The following ZNF705B variants were observed in gnomAD, a reference collection of about 807,000 sequenced individuals.
ZNF705B encodes Putative zinc finger protein 705D-like protein LOC100132396.
ZNF705B carries 1 observed loss-of-function variant against 10.5 expected under a neutral mutation model. The ratio of observed to expected loss-of-function variants is 0.10; its 90% CI spans 0.03 to 0.45. The LOEUF is 0.45. Among genes scored for constraint, ZNF705B ranks in the 20% least tolerant of loss-of-function variants. The pLI is 0.97. For missense variants in ZNF705B, 14 were observed against 84.0 expected (o/e 0.17, Z 3.26); for synonymous variants, 4 against 25.4 (o/e 0.16, Z 2.53).
At chr8:7,940,842 C>T (rs1228720209) in intron 2 of ZNF705B, among the ~76,000 whole-genome samples, 4 of 141,398 alleles carry the variant, frequency 2.8e-5, no homozygotes, top group Non-Finnish European at 6.3e-5. Flanking sequence ...ACTCTCCCTC[C>T]ACCTGCCTCC....
chr8:7,941,146 A>G (rs1247897327), intron 2 of ZNF705B, among the ~76,000 whole-genome samples: 1 of 147,074 alleles, frequency 6.8e-6, no homozygotes, highest in Non-Finnish European at 1.5e-5. Flanking sequence ...GCTGCAATGA[A>G]CATATGTGTG....
chr8:7,935,696 ACAT>A (rs982457653), intron 2 of ZNF705B, among the ~76,000 whole-genome samples: 2 of 97,128 alleles, frequency 2.1e-5, no homozygotes, highest in African/African-American at 5.5e-5. Context: ...AATATATGCA[ACAT>A]CATATTTATA....
At chr8:7,936,210 G>C (rs1199976744) in intron 2 of ZNF705B, among the ~76,000 whole-genome samples, 1 of 119,002 alleles carries the variant, frequency 8.4e-6, no homozygotes, top group African/African-American at 2.6e-5. Context: ...TTTCTAACTT[G>C]CAATATGTTT....
At chr8:7,929,477 G>A (rs1819782910) in intron 1 of ZNF705B, among the ~76,000 whole-genome samples, 1 of 120,458 alleles carries the variant, frequency 8.3e-6, no homozygotes, top group African/African-American at 2.5e-5. Context: ...TTATTCTGGG[G>A]AAAAAAAGGC....
chr8:7,928,145 G>A (rs188978167), intron 1 of ZNF705B, among the ~76,000 whole-genome samples: 1,235 of 113,244 alleles, frequency 0.011, 55 homozygotes, highest in African/African-American at 0.03. Flanking sequence ...GATGTTATGT[G>A]GTGAAAGGTA....
intron 1 of ZNF705B, among the ~76,000 whole-genome samples, chr8:7,929,742 G>A (rs1412499437): frequency 8.7e-6 from 1 of 114,482 alleles, no homozygotes; most frequent in Admixed American, 1.1e-4. Flanking sequence ...TTTGAGTGGA[G>A]TCATTTGCTC....
rs955627606 is a variant in ZNF705B at position 7,942,207 on chromosome 8, CA to C, written c.-71-5141del. ...GCCTCCAGCTGCATCCATGTTGGTG[CA>C]AAGGACATAATTTTTTTATGGTTGT... On this transcript the variant is annotated intron_variant, in intron 2 of 6. Coordinates refer to ENST00000400120, the MANE Select transcript of ZNF705B (RefSeq NM_001193630.1). Among the ~76,000 whole-genome samples, 4 of 37,460 alleles carry C rather than the reference CA, an allele frequency of 1.1e-4. 1 individual carries two copies. Among genetic ancestry groups the C allele is most frequent in the South Asian group, 2.3e-3 (2 of 868 alleles). The allele number at this position is 37,460 out of a possible 152,430, so 24.6% of individuals were successfully genotyped here. A position where few individuals can be genotyped will look rare whatever the true frequency, so the allele number is the denominator to read the frequency against.
chr8:7,928,866 GT>G (rs1819768211), intron 1 of ZNF705B, among the ~76,000 whole-genome samples: 2 of 103,982 alleles, frequency 1.9e-5, no homozygotes, highest in African/African-American at 5.4e-5. Flanking sequence ...AAAAAACCAA[GT>G]GCTCTCATTT....
chr8:7,927,782 T>C (rs1306424694), intron 1 of ZNF705B, among the ~76,000 whole-genome samples: 1 of 148,070 alleles, frequency 6.8e-6, no homozygotes, highest in African/African-American at 2.4e-5. Context: ...CAAAAAAAAA[T>C]TGTCTCTATT....
At chr8:7,929,138 G>A (rs1476868352) in intron 1 of ZNF705B, among the ~76,000 whole-genome samples, 1 of 121,622 alleles carries the variant, frequency 8.2e-6, no homozygotes, top group East Asian at 2.3e-4. Flanking sequence ...GATTCATGTA[G>A]CACTTTCATA....
intron 2 of ZNF705B, chr8:7,934,692 CTGTG>C (rs772466497): frequency 0.016 from 1,238 of 78,702 alleles, 2 homozygotes; most frequent in African/African-American, 0.034. Flanking sequence ...GTGTGTGTGT[CTGTG>C]TGTGTGTGTG....
chr8:7,928,231 C>A (rs1819751239), intron 1 of ZNF705B, among the ~76,000 whole-genome samples: 1 of 114,594 alleles, frequency 8.7e-6, no homozygotes, highest in South Asian at 3.1e-4. Flanking sequence ...GACTTAATCA[C>A]CTCCTCAAAG....
In ZNF705B at chr8:7,931,178, C is replaced by T. The variant is rs552910323; in HGVS notation, c.-72+742C>T. Among the ~76,000 whole-genome samples, 25 of 121,142 alleles carry T rather than the reference C, an allele frequency of 2.1e-4. 8 individuals carry two copies. The highest frequency in any genetic ancestry group is 4.2e-4 in the Non-Finnish European group (21 of 50,414). The allele number at this position is 121,142 out of a possible 152,430, so 79.5% of individuals were successfully genotyped here. ...AAGTGCCAGCAGTGACAGTGGTGAG[C>T]TCGGTAGATAGGCATGCCCTCAAGA... On this transcript the variant is annotated intron_variant, in intron 2 of 6. Transcript: ENST00000400120.
At chr8:7,935,908 C>G (rs534648441) in intron 2 of ZNF705B, among the ~76,000 whole-genome samples, 1 of 91,254 alleles carries the variant, frequency 1.1e-5, no homozygotes, top group East Asian at 3.0e-4. Flanking sequence ...AAAATTGGCC[C>G]TTTGCAGCTG....
chr8:7,928,565 GAGA>G (rs1214105755), intron 1 of ZNF705B, among the ~76,000 whole-genome samples: 2 of 116,034 alleles, frequency 1.7e-5, no homozygotes, highest in East Asian at 4.9e-4. Flanking sequence ...AGGGGAAAGA[GAGA>G]AGGAGGAATT....
Position 7,926,339 on chromosome 8 carries a change from C to T in ZNF705B, c.-280C>T, listed in dbSNP as rs970703069. ...GGTCACTGGAGCTGCTTTCAGGTGTCCTTGTCCCAAGGGACATACAGCACA... is the reference window on the plus strand; with the variant it reads ...GGTCACTGGAGCTGCTTTCAGGTGTTCTTGTCCCAAGGGACATACAGCACA... On this transcript the variant is annotated 5_prime_UTR_variant, in exon 1 of 7. Coordinates refer to ENST00000400120, the MANE Select transcript of ZNF705B (RefSeq NM_001193630.1). 1 of 116,066 alleles carries T rather than the reference C, an allele frequency of 8.6e-6. No individual in the cohort carries two copies. The highest frequency in any genetic ancestry group is 1.0e-4 in the Admixed American group (1 of 10,014). The allele number at this position is 116,066 out of a possible 1,614,324, so 7.2% of individuals were successfully genotyped here. A position where few individuals can be genotyped will look rare whatever the true frequency, so the allele number is the denominator to read the frequency against.
At chr8:7,940,810 T>C (rs1310729939) in intron 2 of ZNF705B, among the ~76,000 whole-genome samples, 2 of 132,332 alleles carry the variant, frequency 1.5e-5, no homozygotes, top group Admixed American at 8.1e-5. Flanking sequence ...ATTGCATATA[T>C]GTATTAGCCA....
Position 7,926,640 on chromosome 8 carries a change from A to G in ZNF705B, c.-222+243A>G, listed in dbSNP as rs1221894438. On this transcript the variant is annotated intron_variant, in intron 1 of 6. Transcript: ENST00000400120. ...ATGCTGAAATCTAATCCCCAATGCA[A>G]TAGTGTTAAGAAGCGGAACATTTGG... 3.2e-4 allele frequency among the ~76,000 whole-genome samples: 32 copies of G among 100,002 alleles called. 4 individuals carry two copies. The highest frequency in any genetic ancestry group is 1.2e-3 in the South Asian group (3 of 2,516). 65.6% of individuals were successfully genotyped at this position (100,002 alleles called of 152,430 possible). A position where few individuals can be genotyped will look rare whatever the true frequency, so the allele number is the denominator to read the frequency against.
chr8:7,927,489 T>A (rs1426709203), intron 1 of ZNF705B, among the ~76,000 whole-genome samples: 1 of 121,126 alleles, frequency 8.3e-6, no homozygotes, highest in African/African-American at 2.5e-5. Flanking sequence ...GTTCACATCC[T>A]TTGCCCACTT....
Sources: allele counts gnomAD v4.1 joint callset (sites outside exome capture counted in the v4.1 genomes callset), GRCh38; gene constraint gnomAD v4.1.1; transcripts MANE v1.5; gene names NCBI Gene and HGNC (gene_info 2026-07-23, HGNC 2026-07-21).